PPARGC1A: variants seen among roughly 807,000 people sequenced by gnomAD.
The protein encoded by PPARGC1A is peroxisome proliferator-activated receptor gamma coactivator 1-alpha.
Under a neutral mutation model 88.7 loss-of-function variants are expected in PPARGC1A, and 25 were observed. That is an observed-to-expected ratio of 0.28 (90% CI 0.21 to 0.39). PPARGC1A has a LOEUF of 0.39. Among genes scored for constraint, PPARGC1A ranks in the 10% least tolerant of loss-of-function variants. The pLI is 1.00. For synonymous variants in PPARGC1A, 363 were observed against 355.6 expected (o/e 1.02, Z -0.24); for missense variants, 880 against 968.7 (o/e 0.91, Z 1.22).
intron 2 of PPARGC1A, among the ~76,000 whole-genome samples, chr4:23,836,551 A>G (rs1483181640): frequency 6.6e-6 from 1 of 152,210 alleles, no homozygotes; most frequent in African/African-American, 2.4e-5. Context: ...AACAATTCCT[A>G]AGTGTTACCG....
the PPARGC1A span, among the ~76,000 whole-genome samples, chr4:24,020,479 C>T: frequency 4.6e-5 from 7 of 152,050 alleles, no homozygotes; most frequent in Admixed American, 4.6e-4. Flanking sequence ...GTCTTAGAAA[C>T]TCTTATTTAT....
the PPARGC1A span, among the ~76,000 whole-genome samples, chr4:24,277,809 G>C: frequency 6.6e-5 from 10 of 152,094 alleles, no homozygotes; most frequent in African/African-American, 2.4e-4. Flanking sequence ...TGCTGCTCCT[G>C]TCACTAATGG....
At chr4:23,826,860 A>G (rs1206694181) in intron 5 of PPARGC1A, among the ~76,000 whole-genome samples, 4 of 152,090 alleles carry the variant, frequency 2.6e-5, no homozygotes, top group South Asian at 2.1e-4. Context: ...AAAGTTTACT[A>G]AAAGAAAAAA....
chr4:24,290,399 A>C, the PPARGC1A span, among the ~76,000 whole-genome samples: 2 of 152,138 alleles, frequency 1.3e-5, no homozygotes, highest in South Asian at 4.1e-4. Context: ...TCATCAGTGA[A>C]TATCCTGCAA....
the PPARGC1A span, among the ~76,000 whole-genome samples, chr4:24,037,300 T>C: frequency 2.6e-5 from 4 of 152,354 alleles, 1 homozygote; most frequent in East Asian, 7.7e-4. Context: ...AGTTAGCTAC[T>C]ATTACTATTA....
At chr4:23,977,035 A>AAGAAGG in the PPARGC1A span, among the ~76,000 whole-genome samples, 1 of 152,042 alleles carries the variant, frequency 6.6e-6, no homozygotes, top group Admixed American at 6.5e-5. Context: ...AAAGGAGAAC[A>AAGAAGG]AGAAGGAGAA....
the PPARGC1A span, among the ~76,000 whole-genome samples, chr4:24,194,622 ACGCGCG>A: frequency 5.2e-4 from 20 of 38,662 alleles, no homozygotes; most frequent in East Asian, 3.0e-3. Flanking sequence ...ACGCGCGCGC[ACGCGCG>A]CGCACACACA....
chr4:23,929,644 G>A, the PPARGC1A span, among the ~76,000 whole-genome samples: 3 of 152,198 alleles, frequency 2.0e-5, no homozygotes, highest in Non-Finnish European at 2.9e-5. Flanking sequence ...CCATTATGGA[G>A]AGTGGGGAAG....
the PPARGC1A span, among the ~76,000 whole-genome samples, chr4:24,123,308 T>C: frequency 1.7e-3 from 252 of 152,282 alleles, 1 homozygote; most frequent in East Asian, 0.024. Flanking sequence ...GCAAGATCCC[T>C]GAAACCCAAG....
At chr4:23,883,715 A>T (rs563108352) in intron 2 of PPARGC1A, 2 of 152,238 alleles carry the variant, frequency 1.3e-5, no homozygotes, top group Non-Finnish European at 2.9e-5. Flanking sequence ...ATTGTTATCA[A>T]CATTAATATA....
At chr4:23,933,405 T>C in the PPARGC1A span, among the ~76,000 whole-genome samples, 9 of 152,052 alleles carry the variant, frequency 5.9e-5, no homozygotes, top group African/African-American at 1.9e-4. Context: ...CTTCCAGGAG[T>C]AAGTGTTTGC....
At chr4:24,194,671 C>T in the PPARGC1A span, among the ~76,000 whole-genome samples, 5 of 147,962 alleles carry the variant, frequency 3.4e-5, no homozygotes, top group African/African-American at 1.2e-4. Flanking sequence ...CACACACACC[C>T]CCATCAAGAA....
the PPARGC1A span, among the ~76,000 whole-genome samples, chr4:24,321,573 C>G: frequency 6.6e-6 from 1 of 152,194 alleles, no homozygotes; most frequent in Non-Finnish European, 1.5e-5. Flanking sequence ...CGCTACCCTG[C>G]CGGAACTACT....
the PPARGC1A span, among the ~76,000 whole-genome samples, chr4:24,244,685 G>T: frequency 1.3e-5 from 2 of 152,162 alleles, no homozygotes; most frequent in African/African-American, 4.8e-5. Flanking sequence ...ATGTCTACAG[G>T]CATCTTTGGT....
At chr4:24,298,059 T>A in the PPARGC1A span, among the ~76,000 whole-genome samples, 1 of 152,058 alleles carries the variant, frequency 6.6e-6, no homozygotes, top group Admixed American at 6.6e-5. Flanking sequence ...ACCAGCCACC[T>A]CCATGGAGGC....
chr4:24,463,867 C>T, the PPARGC1A span, among the ~76,000 whole-genome samples: 1 of 152,248 alleles, frequency 6.6e-6, no homozygotes, highest in Admixed American at 6.5e-5. Context: ...CTTCAACATA[C>T]ATGCACGCAT....
rs1367220216 is a variant in PPARGC1A, at chr4:23,865,150, A to C, written c.234+19602T>G. Among the ~76,000 whole-genome samples, 69 of 152,082 alleles carry C rather than the reference A, an allele frequency of 4.5e-4. 1 individual carries two copies. ...TAGTGAACCAAGATCATACCACTGC[A>C]CTCCAGTGTGGGCAACAGAGTGAGA... is the stretch of plus-strand genomic sequence containing the variant. On this transcript the variant is annotated intron_variant, in intron 2 of 12. Coordinates refer to ENST00000264867, the MANE Select transcript of PPARGC1A (RefSeq NM_013261.5).
the PPARGC1A span, among the ~76,000 whole-genome samples, chr4:23,963,212 T>C: frequency 6.6e-6 from 1 of 152,212 alleles, no homozygotes; most frequent in Non-Finnish European, 1.5e-5. Context: ...TTATGATTGT[T>C]CGTCAAAGGA....
At chr4:23,870,830 C>G (rs1048538833) in intron 2 of PPARGC1A, among the ~76,000 whole-genome samples, 2 of 151,938 alleles carry the variant, frequency 1.3e-5, no homozygotes, top group South Asian at 4.2e-4. Context: ...TAAAAATAAC[C>G]ATAAAAATGC....
Sources: gnomAD v4.1 joint callset for allele counts (sites outside exome capture counted in the v4.1 genomes callset) on GRCh38, gnomAD v4.1.1 for gene constraint, MANE v1.5 for transcripts, NCBI Gene and HGNC (gene_info 2026-07-23, HGNC 2026-07-21) for gene names.